The following CDH13 variants were observed in gnomAD, a reference collection of about 807,000 sequenced individuals.
CDH13 encodes the protein cadherin-13.
In CDH13, 24 loss-of-function variants were observed where a neutral mutation model predicts 63.8. The ratio of observed to expected loss-of-function variants is 0.38; its 90% CI spans 0.27 to 0.53. The LOEUF (loss-of-function observed/expected upper bound fraction) is 0.53. Ranked by LOEUF, CDH13 falls within the 20% of genes least tolerant of loss-of-function variation. The probability of loss-of-function intolerance (pLI) is 0.85; values close to 1 mark genes in which losing one functional copy is unlikely to be tolerated. For synonymous variants in CDH13, 503 were observed against 355.3 expected (o/e 1.42, Z -4.67); for missense variants, 1,049 against 903.1 (o/e 1.16, Z -2.07).
chr16:83,635,142 G>A (rs2150800512), intron 8 of CDH13, among the ~76,000 whole-genome samples: 1 of 152,028 alleles, frequency 6.6e-6, no homozygotes, highest in East Asian at 1.9e-4. Context: ...CTGCTCTCTG[G>A]TTTGGTGTAT....
chr16:83,370,141 A>C (rs139672062), intron 6 of CDH13, among the ~76,000 whole-genome samples: 49 of 152,300 alleles, frequency 3.2e-4, no homozygotes, highest in African/African-American at 1.2e-3. Flanking sequence ...TAATCCCAGC[A>C]CTTTGGAAGT....
intron 1 of CDH13, among the ~76,000 whole-genome samples, chr16:82,692,020 C>T (rs529816130): frequency 6.6e-6 from 1 of 152,306 alleles, no homozygotes; most frequent in African/African-American, 2.4e-5. Flanking sequence ...TTATGTTTTT[C>T]ATAATCTGCA....
chr16:83,335,790 C>G (rs190496950), intron 5 of CDH13, among the ~76,000 whole-genome samples: 19 of 152,210 alleles, frequency 1.2e-4, no homozygotes, highest in African/African-American at 4.1e-4. Flanking sequence ...TCACGTACCC[C>G]CTGCTTGCTC....
At chr16:83,112,782 C>G (rs544181219) in intron 3 of CDH13, among the ~76,000 whole-genome samples, 30 of 152,260 alleles carry the variant, frequency 2.0e-4, no homozygotes, top group African/African-American at 7.0e-4. Flanking sequence ...TCTTTAGCAT[C>G]GAGGTATCTA....
At chr16:83,246,235 G>A (rs1369965009) in intron 5 of CDH13, among the ~76,000 whole-genome samples, 2 of 152,102 alleles carry the variant, frequency 1.3e-5, no homozygotes, top group Non-Finnish European at 2.9e-5. Flanking sequence ...TTCCAAGAGG[G>A]AGCTTTAAAA....
chr16:82,792,993 C>T (rs746111551), intron 1 of CDH13, among the ~76,000 whole-genome samples: 6 of 152,342 alleles, frequency 3.9e-5, no homozygotes, highest in Middle Eastern at 3.4e-3. Flanking sequence ...GATGGGGTGA[C>T]GTTCTGGCCA....
chr16:83,274,101 C>T (rs1416891918), intron 5 of CDH13, among the ~76,000 whole-genome samples: 1 of 152,186 alleles, frequency 6.6e-6, no homozygotes, highest in African/African-American at 2.4e-5. Context: ...CTCGCCTTCC[C>T]CCAGGCCAGG....
chr16:83,720,309 GCA>G (rs1909520104), intron 10 of CDH13, among the ~76,000 whole-genome samples: 2 of 109,500 alleles, frequency 1.8e-5, no homozygotes, highest in Non-Finnish European at 4.4e-5. Flanking sequence ...ATGCACTCAT[GCA>G]CACACATGCA....
intron 2 of CDH13, among the ~76,000 whole-genome samples, chr16:82,895,192 G>A (rs1380674638): frequency 6.6e-6 from 1 of 152,134 alleles, no homozygotes; most frequent in Non-Finnish European, 1.5e-5. Context: ...TACTCATTAA[G>A]CAGCCGTTCT....
intron 3 of CDH13, among the ~76,000 whole-genome samples, chr16:83,079,829 AATAATAAGTTACAT>A (rs1414844459): frequency 6.6e-6 from 1 of 152,278 alleles, no homozygotes; most frequent in Non-Finnish European, 1.5e-5. Context: ...GGTGTTGGAA[AATAATAAGTTACAT>A]ATCTACCTTA....
At chr16:82,744,524 G>A (rs62034481) in intron 1 of CDH13, among the ~76,000 whole-genome samples, 36,062 of 151,892 alleles carry the variant, frequency 0.24, 5,205 homozygotes, top group South Asian at 0.37. Flanking sequence ...TCTTTTCCAG[G>A]CATAAATCTC....
intron 3 of CDH13, among the ~76,000 whole-genome samples, chr16:83,106,002 A>C (rs548890151): frequency 6.6e-6 from 1 of 152,350 alleles, no homozygotes; most frequent in South Asian, 2.1e-4. Flanking sequence ...ATGTGTTGGA[A>C]CAATGTCCGC....
At chr16:83,389,956 G>A (rs909042661) in intron 6 of CDH13, among the ~76,000 whole-genome samples, 6 of 152,296 alleles carry the variant, frequency 3.9e-5, no homozygotes, top group East Asian at 3.9e-4. Flanking sequence ...ATCTGAGCTC[G>A]GCTGTTTATT....
chr16:82,912,453 C>A (rs533401958), intron 2 of CDH13, among the ~76,000 whole-genome samples: 1 of 152,222 alleles, frequency 6.6e-6, no homozygotes, highest in Admixed American at 6.5e-5. Context: ...GCCCTTCCCC[C>A]AGATGACTGG....
intron 11 of CDH13, among the ~76,000 whole-genome samples, chr16:83,756,683 A>G (rs1248313598): frequency 1.3e-5 from 2 of 152,260 alleles, no homozygotes; most frequent in Admixed American, 6.5e-5. Context: ...AACAAGAAAC[A>G]TGACAAGAGG....
intron 4 of CDH13, among the ~76,000 whole-genome samples, chr16:83,130,265 G>C (rs763414911): frequency 6.6e-6 from 1 of 152,178 alleles, no homozygotes; most frequent in Non-Finnish European, 1.5e-5. Flanking sequence ...TGCCAATGAA[G>C]GTAATGAGAC....
chr16:83,750,439 T>A (rs75033863), intron 11 of CDH13, among the ~76,000 whole-genome samples: 1,698 of 152,346 alleles, frequency 0.011, 41 homozygotes, highest in African/African-American at 0.038. Flanking sequence ...ACTTTAACAA[T>A]TGATATGACT....
intron 2 of CDH13, among the ~76,000 whole-genome samples, chr16:82,902,104 T>A (rs1204360855): frequency 1.3e-5 from 2 of 152,150 alleles, no homozygotes; most frequent in Non-Finnish European, 2.9e-5. Context: ...TGCCTTTAAT[T>A]TGCCCATTTT....
chr16:83,412,254 G>A (rs555153616), intron 6 of CDH13, among the ~76,000 whole-genome samples: 8 of 152,332 alleles, frequency 5.3e-5, no homozygotes, highest in Admixed American at 5.2e-4. Flanking sequence ...TTGAGGTCAG[G>A]AGTTCGAGAC....
Sources: gnomAD v4.1 joint callset for allele counts (sites outside exome capture counted in the v4.1 genomes callset) on GRCh38, gnomAD v4.1.1 for gene constraint, MANE v1.5 for transcripts, NCBI Gene and HGNC (gene_info 2026-07-23, HGNC 2026-07-21) for gene names.